The following LAMA3 variants were observed in gnomAD, a reference collection of about 807,000 sequenced individuals.
LAMA3 encodes the protein laminin subunit alpha 3.
A neutral mutation model predicts 402.0 loss-of-function variants in LAMA3; 281 were observed. The ratio of observed to expected loss-of-function variants is 0.70; its 90% CI spans 0.63 to 0.77. LAMA3 has a LOEUF of 0.77. Among genes scored for constraint, LAMA3 ranks in the 30% least tolerant of loss-of-function variants. The pLI is 0.00. For missense variants in LAMA3, 3,840 were observed against 4,215.5 expected (o/e 0.91, Z 2.47); for synonymous variants, 1,431 against 1,558.4 (o/e 0.92, Z 1.93).
At chr18:23,811,457 C>T (rs1218243983) in intron 13 of LAMA3, among the ~76,000 whole-genome samples, 2 of 152,142 alleles carry the variant, frequency 1.3e-5, no homozygotes, top group African/African-American at 4.8e-5. Flanking sequence ...TTGCAGCAGG[C>T]AGTCAGAGGT....
chr18:23,850,877 G>A (rs967984589), intron 32 of LAMA3, among the ~76,000 whole-genome samples: 2 of 152,190 alleles, frequency 1.3e-5, no homozygotes, highest in Non-Finnish European at 2.9e-5. Flanking sequence ...ACTGTTGACC[G>A]CGTCCAAGCT....
intron 2 of LAMA3, among the ~76,000 whole-genome samples, chr18:23,731,566 T>C (rs932350054): frequency 3.3e-5 from 5 of 152,218 alleles, no homozygotes. Flanking sequence ...TGTGCAGTCA[T>C]GGCATGAAGA....
intron 2 of LAMA3, among the ~76,000 whole-genome samples, chr18:23,744,460 T>A (rs1437030519): frequency 6.6e-6 from 1 of 152,136 alleles, no homozygotes; most frequent in African/African-American, 2.4e-5. Flanking sequence ...AAGTTAGGCC[T>A]GGGTGGCAGG....
chr18:23,920,152 G>C (rs1409018445), intron 60 of LAMA3, among the ~76,000 whole-genome samples: 2 of 152,174 alleles, frequency 1.3e-5, no homozygotes, highest in Non-Finnish European at 2.9e-5. Context: ...GTGCATGCAG[G>C]GGGCAGGCTG....
rs751931711 is a variant in LAMA3 at position 23,928,657 on chromosome 18, A to T, written c.8328A>T (p.Gly2776=). Reference sequence around the variant, plus strand: ...GATCTGCCTCATTCTCCAGAGGAGGACAATTGAGTTTCACTGATTTGGGCT... The same window carrying T: ...GATCTGCCTCATTCTCCAGAGGAGGTCAATTGAGTTTCACTGATTTGGGCT... ...LVRSASFSRG[G]QLSFTDLGLP... is the part of the protein sequence containing the mutation. The change falls in exon 64 of 75, where the codon GGA becomes GGT. Residue 2776 remains glycine (G), a synonymous_variant. Coordinates refer to ENST00000313654, the MANE Select transcript of LAMA3 (RefSeq NM_198129.4). 3.1e-6 allele frequency: 5 copies of T among 1,613,752 alleles called. No individual in the cohort carries two copies. The East Asian group carries it at 8.9e-5, about 29-fold the overall frequency.
chr18:23,762,624 A>G lies in LAMA3; in HGVS notation c.1064-781A>G, dbSNP rs1038998475. ...AATTTACTTGAACCAAAATGAGGAT[A>G]GCTGCCCCGACACACTTCCAAGTTG... On this transcript the variant is annotated intron_variant, in intron 7 of 74. Coordinates refer to ENST00000313654, the MANE Select transcript of LAMA3 (RefSeq NM_198129.4). Among the ~76,000 whole-genome samples the G allele has an allele frequency of 2.0e-5, 3 of 151,768 alleles. No homozygotes were observed. The South Asian group carries it at 6.3e-4, about 32-fold the overall frequency.
chr18:23,944,357 C>T (rs1488830800), intron 69 of LAMA3, among the ~76,000 whole-genome samples: 1 of 152,184 alleles, frequency 6.6e-6, no homozygotes, highest in Non-Finnish European at 1.5e-5. Flanking sequence ...TTGCTTAAAG[C>T]CATTCCAGAT....
At chr18:23,810,588 C>T (rs1484389035) in intron 13 of LAMA3, 85 bp downstream of exon 13, 43 of 1,484,280 alleles carry the variant, frequency 2.9e-5, no homozygotes, top group Admixed American at 1.0e-4. Context: ...GCAAATCCCC[C>T]ACAGACTCAC....
intron 1 of LAMA3, among the ~76,000 whole-genome samples, chr18:23,705,795 G>A (rs1467628799): frequency 6.6e-6 from 1 of 152,146 alleles, no homozygotes; most frequent in African/African-American, 2.4e-5. Flanking sequence ...TAGGATTACA[G>A]GTGTGAGCTA....
intron 8 of LAMA3, among the ~76,000 whole-genome samples, chr18:23,766,087 G>A (rs2062070317): frequency 6.6e-6 from 1 of 152,060 alleles, no homozygotes; most frequent in South Asian, 2.1e-4. Flanking sequence ...TTTTGCAATA[G>A]GCTAAGATTC....
intron 55 of LAMA3, among the ~76,000 whole-genome samples, chr18:23,911,792 T>C (rs1051720055): frequency 1.2e-4 from 17 of 147,116 alleles, no homozygotes; most frequent in Non-Finnish European, 2.4e-4. Flanking sequence ...TATATGCATA[T>C]ATATTTAATT....
intron 2 of LAMA3, among the ~76,000 whole-genome samples, chr18:23,718,304 G>C (rs1960793454): frequency 6.6e-6 from 1 of 152,038 alleles, no homozygotes; most frequent in African/African-American, 2.4e-5. Flanking sequence ...CCCTCCCCAG[G>C]GTGAGGTATA....
chr18:23,768,888 C>T (rs967742265), intron 8 of LAMA3, among the ~76,000 whole-genome samples: 7 of 152,092 alleles, frequency 4.6e-5, no homozygotes, highest in Non-Finnish European at 1.0e-4. Flanking sequence ...AATGCAAAAC[C>T]GGAAAACCAA....
intron 1 of LAMA3, among the ~76,000 whole-genome samples, chr18:23,709,412 AAAT>A (rs140297595): frequency 0.049 from 7,390 of 152,266 alleles, 440 homozygotes; most frequent in Admixed American, 0.17. Context: ...ATCTTTAAAT[AAAT>A]AATAACAGTT....
chr18:23,751,008 C>A lies in LAMA3; in HGVS notation c.775C>A (p.Arg259Ser). Residue 259 changes from arginine (R) to serine (S), a missense_variant, in exon 5 of 75, where the codon CGC becomes AGC. Arg to Ser is a moderately radical substitution (Grantham distance 110). Coordinates refer to ENST00000313654, the MANE Select transcript of LAMA3 (RefSeq NM_198129.4). ...LREFTKATNI[R>S]LRFLRTNTLL... ...GGAGTTTACCAAGGCAACAAACATC[C>A]GCTTGCGTTTTCTTAGAACCAATAC... The A allele has an allele frequency of 6.2e-7, 1 of 1,614,074 alleles. No homozygotes were observed. The highest frequency in any genetic ancestry group is 2.2e-5 in the East Asian group (1 of 44,882).
chr18:23,857,165 A>G (rs1047279684), intron 32 of LAMA3, among the ~76,000 whole-genome samples: 1 of 152,144 alleles, frequency 6.6e-6, no homozygotes, highest in Non-Finnish European at 1.5e-5. Context: ...AGAACTTGCT[A>G]AGATGGTGTG....
At chr18:23,915,573 A>T in intron 59 of LAMA3, 151 bp downstream of exon 59, 1 of 728,126 alleles carries the variant, frequency 1.4e-6, no homozygotes, top group Non-Finnish European at 2.4e-6. Context: ...TGCATGCAAC[A>T]CTGGCAGTCC....
rs1568316583 is a variant in LAMA3 at position 23,899,386 on chromosome 18, G to T, written c.5935G>T (p.Glu1979Ter). The T allele has an allele frequency of 6.2e-7, 1 of 1,614,086 alleles. No homozygotes were observed. Among genetic ancestry groups the T allele is most frequent in the East Asian group, 2.2e-5 (1 of 44,880 alleles). The change falls in exon 47 of 75, where the codon GAA (glutamate) becomes TAA (stop). Residue 1979 changes from glutamate (E) to a stop codon, truncating the protein, a stop_gained. Coordinates refer to ENST00000313654, the MANE Select transcript of LAMA3 (RefSeq NM_198129.4). LOFTEE classifies it high-confidence loss of function. ...EWAEAQRMMR[E>*]LRNRNFGKHL... ...GGCTGAAGCCCAGCGCATGATGAGGGAACTGCGGAACAGGAACTTTGGAAA... is the reference window on the plus strand; with the variant it reads ...GGCTGAAGCCCAGCGCATGATGAGGTAACTGCGGAACAGGAACTTTGGAAA...
At chr18:23,873,207 C>A (rs1485795464) in intron 38 of LAMA3, 1 of 1,613,852 alleles carries the variant, frequency 6.2e-7, no homozygotes, top group East Asian at 2.2e-5. Context: ...GGAGTTTAGA[C>A]CCAGCCAGGT....
Sources: allele counts gnomAD v4.1 joint callset (sites outside exome capture counted in the v4.1 genomes callset), GRCh38; gene constraint gnomAD v4.1.1; transcripts MANE v1.5; gene names NCBI Gene and HGNC (gene_info 2026-07-23, HGNC 2026-07-21).